The following CXXC5 variants were observed in gnomAD, a reference collection of about 807,000 sequenced individuals.
CXXC5 encodes the protein CXXC finger protein 5.
A neutral mutation model predicts 17.6 loss-of-function variants in CXXC5; 2 were observed. The observed-to-expected ratio is 0.11, with a 90% CI of 0.05 to 0.36. CXXC5 has a LOEUF of 0.36. Among genes scored for constraint, CXXC5 ranks in the 10% least tolerant of loss-of-function variants. The probability of loss-of-function intolerance (pLI) is 1.00; values close to 1 mark genes in which losing one functional copy is unlikely to be tolerated. For synonymous variants in CXXC5, 171 were observed against 193.0 expected (o/e 0.89, Z 0.94); for missense variants, 343 against 458.3 (o/e 0.75, Z 2.30).
At position 139,648,372 on chromosome 5, in the gene CXXC5, C is replaced by T. The variant is rs1754970917; in HGVS notation, c.-634C>T. The T allele has an allele frequency of 6.3e-6, 1 of 158,842 alleles. No homozygotes were observed. The highest frequency in any genetic ancestry group is 1.7e-4 in the South Asian group (1 of 6,028). The allele number at this position is 158,842 out of a possible 1,614,324, so 9.8% of individuals were successfully genotyped here. On this transcript the variant is annotated 5_prime_UTR_variant, in exon 1 of 3. Transcript: ENST00000302517. ...GCGGCGGCGGCAGAGGCGGCTGAGCCTGAGCGGGGATGTAGAGGCGGCGGC... is the reference window on the plus strand; with the variant it reads ...GCGGCGGCGGCAGAGGCGGCTGAGCTTGAGCGGGGATGTAGAGGCGGCGGC...
chr5:139,681,080 C>A lies in CXXC5; in HGVS notation c.557C>A (p.Ala186Glu). The stretch of plus-strand genomic sequence containing the variant: ...GAGCATCTCCCGCTGATGAGCGAGG[C>A]GGGTGCTGGCCTGCCTGACATGGAG... Reference protein sequence around the residue: ...VQEHLPLMSEAGAGLPDMEAV... With the variant: ...VQEHLPLMSEEGAGLPDMEAV... Residue 186 changes from alanine to glutamate, a missense_variant, in exon 2 of 3, where the codon GCG becomes GAG. By Grantham distance (107) the Ala-to-Glu change is moderately radical. This residue lies in a region of CXXC5 where 297 missense variants were observed against 363.4 expected (regional missense o/e 0.82). Transcript: ENST00000302517. 1 of 1,612,654 alleles carries A rather than the reference C, an allele frequency of 6.2e-7. No individual in the cohort carries two copies.
At chr5:139,672,092 TA>T (rs1561542729) in intron 1 of CXXC5, among the ~76,000 whole-genome samples, 1 of 152,198 alleles carries the variant, frequency 6.6e-6, no homozygotes, top group South Asian at 2.1e-4. Flanking sequence ...ACCTGCTGTT[TA>T]TTTTTTTTTA....
chr5:139,670,657 C>T lies in CXXC5; in HGVS notation c.-160-9707C>T, dbSNP rs1046549326. 6.6e-5 allele frequency among the ~76,000 whole-genome samples: 10 copies of T among 152,262 alleles called. No individual in the cohort carries two copies. Among genetic ancestry groups the T allele is most frequent in the East Asian group, 5.8e-4 (3 of 5,204 alleles). ...AGACTCCACAAACATCCTCTCACCA[C>T]GTAAACCACCCTATTCGCACACACG... On this transcript the variant is annotated intron_variant, in intron 1 of 2. Coordinates refer to ENST00000302517, the MANE Select transcript of CXXC5 (RefSeq NM_016463.9). The surrounding 1 kb of genome is among the most constrained non-coding windows in gnomAD (Gnocchi z 4.2).
In CXXC5 at chr5:139,681,232, A is replaced by G. The variant is rs1297255849; in HGVS notation, c.709A>G (p.Met237Val). Residue 237 changes from methionine (M) to valine (V), a missense_variant, in exon 2 of 3, where the codon ATG (methionine) becomes GTG (valine). Physicochemically the swap from Met to Val is conservative, Grantham distance 21. This residue lies in a region of CXXC5 where 297 missense variants were observed against 363.4 expected (regional missense o/e 0.82). Transcript: ENST00000302517. ...GVFLAESALH[M>V]AGLAEYPMQG... is the part of the protein sequence containing the mutation. ...GTTCCTGGCCGAGAGCGCGCTGCACATGGCGGGCCTGGCTGAGTACCCCAT... is the reference window on the plus strand; with the variant it reads ...GTTCCTGGCCGAGAGCGCGCTGCACGTGGCGGGCCTGGCTGAGTACCCCAT... The G allele has an allele frequency of 1.2e-6, 2 of 1,612,156 alleles. No homozygotes were observed. The highest frequency in any genetic ancestry group is 1.7e-6 in the Non-Finnish European group (2 of 1,179,458).
chr5:139,678,899 A>G (rs1757020774), intron 1 of CXXC5, among the ~76,000 whole-genome samples: 1 of 152,182 alleles, frequency 6.6e-6, no homozygotes, highest in African/African-American at 2.4e-5. Context: ...GCAGGCAGAC[A>G]GGGAAGCAAG....
At position 139,663,536 on chromosome 5, in the gene CXXC5, C is replaced by A. The variant is rs1262945444; in HGVS notation, c.-161+14691C>A. Among the ~76,000 whole-genome samples the A allele has an allele frequency of 6.6e-6, 1 of 152,140 alleles. No homozygotes were observed. On this transcript the variant is annotated intron_variant, in intron 1 of 2. Coordinates refer to ENST00000302517, the MANE Select transcript of CXXC5 (RefSeq NM_016463.9). The surrounding 1 kb of genome is among the most constrained non-coding windows in gnomAD (Gnocchi z 4.2). The stretch of plus-strand genomic sequence containing the variant: ...CAGTGGGGTGCTACCCTCGTTGTAA[C>A]CTTCAGGCTTCTACCACATGTCCAT...
rs1279236037 is a variant in CXXC5, at chr5:139,682,891, T to A, written c.953T>A (p.Phe318Tyr). 2 of 1,594,444 alleles carry A rather than the reference T, an allele frequency of 1.3e-6. No homozygotes were observed. The highest frequency in any genetic ancestry group is 2.3e-5 in the East Asian group (1 of 43,326). The change falls in exon 3 of 3, where the codon TTC becomes TAC. Residue 318 changes from phenylalanine to tyrosine, a missense_variant. Physicochemically the swap from Phe to Tyr is conservative, Grantham distance 22. Transcript: ENST00000302517. ...GTGATGCTTCCGACGGGAGCCGCCT[T>A]CCGGTGGTTTCAGTGACGGCGGCGG... ...EKVMLPTGAA[F>Y]RWFQ
chr5:139,661,683 G>A lies in CXXC5; in HGVS notation c.-161+12838G>A, dbSNP rs1415732975. ...TAGATGATGCCATAGAGTGGGCCAG[G>A]GCACTGGCACACACAGGCGCAGCTG... On this transcript the variant is annotated intron_variant, in intron 1 of 2. Transcript: ENST00000302517. The surrounding 1 kb of genome is among the most constrained non-coding windows in gnomAD (Gnocchi z 4.7). 6.6e-6 allele frequency among the ~76,000 whole-genome samples: 1 copy of A among 152,266 alleles called. No individual in the cohort carries two copies. The highest frequency in any genetic ancestry group is 2.4e-5 in the African/African-American group (1 of 41,480).
At chr5:139,672,215 T>C (rs1353574723) in intron 1 of CXXC5, among the ~76,000 whole-genome samples, 2 of 152,238 alleles carry the variant, frequency 1.3e-5, no homozygotes, top group Non-Finnish European at 2.9e-5. Flanking sequence ...CCTCCCAGGT[T>C]CAGGCAATTC....
intron 1 of CXXC5, among the ~76,000 whole-genome samples, chr5:139,667,400 G>A (rs1756167563): frequency 1.3e-5 from 2 of 152,204 alleles, no homozygotes; most frequent in South Asian, 4.1e-4. Flanking sequence ...GGGGTCCATG[G>A]TATCTCCTGT....
chr5:139,682,339 C>CCAGCCCCAGCCT (rs1757285779), intron 2 of CXXC5, among the ~76,000 whole-genome samples: 1 of 151,178 alleles, frequency 6.6e-6, no homozygotes, highest in African/African-American at 2.4e-5. Context: ...AGCCCCAGCC[C>CCAGCCCCAGCCT]CAGCCCCAGC....
chr5:139,678,541 G>C (rs1401481364), intron 1 of CXXC5, among the ~76,000 whole-genome samples: 1 of 152,194 alleles, frequency 6.6e-6, no homozygotes, highest in Non-Finnish European at 1.5e-5. Flanking sequence ...TCTGACTGTT[G>C]ATGGCGGCTA....
rs1755620137 is a variant in CXXC5, at chr5:139,658,689, A to G, written c.-161+9844A>G. Among the ~76,000 whole-genome samples the G allele has an allele frequency of 6.6e-6, 1 of 152,230 alleles. No individual in the cohort carries two copies. Among genetic ancestry groups the G allele is most frequent in the Admixed American group, 6.5e-5 (1 of 15,292 alleles). On this transcript the variant is annotated intron_variant, in intron 1 of 2. Coordinates refer to ENST00000302517, the MANE Select transcript of CXXC5 (RefSeq NM_016463.9). The surrounding 1 kb of genome is among the most constrained non-coding windows in gnomAD (Gnocchi z 4.1). ...GCTGTTGCTTCCAGCAACAGCCGGC[A>G]GGGCCGGGCGGCTTCCCAGCTCCCC...
In CXXC5 at chr5:139,682,931, C is replaced by G. The variant is rs754019602; in HGVS notation, c.*24C>G. 2.2e-5 allele frequency: 34 copies of G among 1,574,674 alleles called. No individual in the cohort carries two copies. The highest frequency in any genetic ancestry group is 2.7e-5 in the Non-Finnish European group (31 of 1,157,054). On this transcript the variant is annotated 3_prime_UTR_variant, in exon 3 of 3. Transcript: ENST00000302517. ...GACGGCGGCGGAACCCAAAGCTGCCCTCTCCGTGCAATGTCACTGCTCGTG... is the reference window on the plus strand; with the variant it reads ...GACGGCGGCGGAACCCAAAGCTGCCGTCTCCGTGCAATGTCACTGCTCGTG...
intron 1 of CXXC5, chr5:139,675,357 T>C (rs947674414): frequency 6.6e-6 from 1 of 152,190 alleles, no homozygotes; most frequent in African/African-American, 2.4e-5. Flanking sequence ...AGTGAGGCTC[T>C]TCTAGGGCTG....
intron 1 of CXXC5, among the ~76,000 whole-genome samples, chr5:139,675,140 T>TCTG (rs1415407187): frequency 6.6e-6 from 1 of 152,208 alleles, no homozygotes; most frequent in Non-Finnish European, 1.5e-5. Flanking sequence ...GTCTGTGTGC[T>TCTG]CTGCTGTCTC....
intron 1 of CXXC5, among the ~76,000 whole-genome samples, chr5:139,669,306 C>A (rs1438527064): frequency 3.9e-5 from 6 of 152,140 alleles, no homozygotes; most frequent in Non-Finnish European, 8.8e-5. Context: ...ATTGCTAATC[C>A]CCCTCCAGCC....
chr5:139,667,822 T>G (rs1561540107), intron 1 of CXXC5, among the ~76,000 whole-genome samples: 4 of 152,200 alleles, frequency 2.6e-5, no homozygotes, highest in Non-Finnish European at 5.9e-5. Flanking sequence ...AGATCACGCA[T>G]ATGTTGTTCT....
chr5:139,667,407 C>T (rs1756167763), intron 1 of CXXC5, among the ~76,000 whole-genome samples: 1 of 152,236 alleles, frequency 6.6e-6, no homozygotes, highest in African/African-American at 2.4e-5. Context: ...ATGGTATCTC[C>T]TGTCTATCCT....
Sources: allele counts gnomAD v4.1 joint callset (sites outside exome capture counted in the v4.1 genomes callset), GRCh38; gene constraint gnomAD v4.1.1; regional missense constraint gnomAD v4.1.1; non-coding constraint Gnocchi (gnomAD v3.1); transcripts MANE v1.5; gene names NCBI Gene and HGNC (gene_info 2026-07-23, HGNC 2026-07-21).